The following RTL4 variants were observed in gnomAD, a reference collection of about 807,000 sequenced individuals.
The protein encoded by RTL4 is retrotransposon Gag like 4, also known as retrotransposon Gag-like protein 4.
Under a neutral mutation model 5.3 loss-of-function variants are expected in RTL4, and 4 were observed. The ratio of observed to expected loss-of-function variants is 0.75; its 90% CI spans 0.37 to 1.72. The LOEUF (loss-of-function observed/expected upper bound fraction) is 1.72. Ranked by LOEUF, RTL4 falls within the 40% of genes most tolerant of loss-of-function variation. The probability of loss-of-function intolerance (pLI) is 0.04; values close to 1 mark genes in which losing one functional copy is unlikely to be tolerated. For synonymous variants in RTL4, 98 were observed against 87.3 expected (o/e 1.12, Z -0.68); for missense variants, 260 against 227.1 (o/e 1.14, Z -0.93).
chrX:112,451,116 T>G (rs1377033710), upstream of RTL4, among the ~76,000 whole-genome samples: 1 of 111,965 alleles, frequency 8.9e-6, no homozygotes, highest in African/African-American at 3.2e-5. Flanking sequence ...CCATGTTACC[T>G]TTCTAAAAAC....
the RTL4 span, among the ~76,000 whole-genome samples, chrX:112,192,075 GTTTT>G: frequency 1.0e-4 from 8 of 78,917 alleles, no homozygotes; most frequent in African/African-American, 3.9e-4. Flanking sequence ...AAATACTAGG[GTTTT>G]TTTTTTTTTT....
the RTL4 span, among the ~76,000 whole-genome samples, chrX:112,361,823 G>A: frequency 9.0e-6 from 1 of 110,918 alleles, no homozygotes; most frequent in Non-Finnish European, 1.9e-5. Flanking sequence ...GGTATCAGGA[G>A]GTTCTATCCC....
At chrX:112,342,573 C>G in the RTL4 span, among the ~76,000 whole-genome samples, 1 of 111,355 alleles carries the variant, frequency 9.0e-6, no homozygotes, top group Non-Finnish European at 1.9e-5. Flanking sequence ...AGGAAGCTCT[C>G]CATCTCTAAA....
At chrX:112,168,892 T>C in the RTL4 span, among the ~76,000 whole-genome samples, 1 of 111,582 alleles carries the variant, frequency 9.0e-6, no homozygotes, top group Non-Finnish European at 1.9e-5. Context: ...TGCTTTCATT[T>C]TACCCTTTGG....
At chrX:112,245,233 T>C in the RTL4 span, among the ~76,000 whole-genome samples, 1 of 111,448 alleles carries the variant, frequency 9.0e-6, no homozygotes, top group South Asian at 3.9e-4. Context: ...TGAATTTGAA[T>C]GTTGGCCTGC....
the RTL4 span, among the ~76,000 whole-genome samples, chrX:112,433,963 AG>A: frequency 2.3e-5 from 2 of 85,732 alleles, no homozygotes; most frequent in African/African-American, 4.8e-5. Context: ...ATTTTGTCAA[AG>A]GCCTTTTCTG....
the RTL4 span, among the ~76,000 whole-genome samples, chrX:112,261,106 A>G: frequency 8.9e-6 from 1 of 111,978 alleles, no homozygotes; most frequent in Non-Finnish European, 1.9e-5. Context: ...CAATGAGGAT[A>G]TAAGAATGAA....
At chrX:112,361,004 C>A in the RTL4 span, among the ~76,000 whole-genome samples, 3 of 111,373 alleles carry the variant, frequency 2.7e-5, no homozygotes, top group Non-Finnish European at 5.7e-5. Flanking sequence ...TAAATCAAAT[C>A]AACTTTGAGT....
chrX:112,223,853 A>G, the RTL4 span, among the ~76,000 whole-genome samples: 131 of 112,053 alleles, frequency 1.2e-3, 1 homozygote, highest in East Asian at 0.033. Context: ...ATTACAGATA[A>G]TGTAACCTAG....
the RTL4 span, among the ~76,000 whole-genome samples, chrX:112,207,242 A>C: frequency 9.0e-6 from 1 of 111,347 alleles, no homozygotes; most frequent in African/African-American, 3.3e-5. Flanking sequence ...ATTTGTCTAC[A>C]TTTCTTGCAC....
At chrX:112,210,017 A>G in the RTL4 span, among the ~76,000 whole-genome samples, 1 of 111,966 alleles carries the variant, frequency 8.9e-6, no homozygotes, top group Non-Finnish European at 1.9e-5. Context: ...CTGCTGGGTC[A>G]TATGGTCCAA....
At chrX:112,453,561 A>T (rs1926779304), upstream of RTL4, among the ~76,000 whole-genome samples, 1 of 111,760 alleles carries the variant, frequency 8.9e-6, no homozygotes, top group African/African-American at 3.2e-5. Context: ...TCAGACAGGG[A>T]CTAGAAAGAT....
chrX:112,120,434 G>A, the RTL4 span, among the ~76,000 whole-genome samples: 3 of 110,811 alleles, frequency 2.7e-5, no homozygotes, highest in Admixed American at 9.6e-5. Flanking sequence ...CCGCCACCAC[G>A]CCTGGCTAAG....
At chrX:112,155,208 A>G in the RTL4 span, among the ~76,000 whole-genome samples, 2 of 110,156 alleles carry the variant, frequency 1.8e-5, no homozygotes, top group Non-Finnish European at 3.8e-5. Context: ...GCACAAGGGG[A>G]CTATGAAAAT....
chrX:112,084,359 G>A, the RTL4 span, among the ~76,000 whole-genome samples: 1 of 110,430 alleles, frequency 9.1e-6, no homozygotes, highest in Non-Finnish European at 1.9e-5. Flanking sequence ...CAAGGTATTG[G>A]AGAAAAGAAA....
upstream of RTL4, among the ~76,000 whole-genome samples, chrX:112,453,617 C>T (rs771562543): frequency 1.2e-4 from 13 of 111,817 alleles, no homozygotes; most frequent in Non-Finnish European, 2.3e-4. Context: ...ATCCCCACAG[C>T]AATGCAGGCT....
chrX:112,424,239 A>G, the RTL4 span, among the ~76,000 whole-genome samples: 1 of 111,969 alleles, frequency 8.9e-6, no homozygotes, highest in South Asian at 3.7e-4. Flanking sequence ...TTTAATAAAT[A>G]TGCTATTTAC....
the RTL4 span, chrX:112,381,645 T>G: frequency 8.3e-7 from 1 of 1,208,506 alleles, no homozygotes. Flanking sequence ...CAAATTTCAG[T>G]GCTTAAAGCA....
chrX:112,193,622 GT>G, the RTL4 span, among the ~76,000 whole-genome samples: 12 of 111,340 alleles, frequency 1.1e-4, no homozygotes, highest in African/African-American at 3.9e-4. Flanking sequence ...AATTTTGGAA[GT>G]TTTTGACCAT....
Sources: allele counts gnomAD v4.1 joint callset (sites outside exome capture counted in the v4.1 genomes callset), GRCh38; gene constraint gnomAD v4.1.1; transcripts MANE v1.5; gene names NCBI Gene and HGNC (gene_info 2026-07-23, HGNC 2026-07-21).